Variants in DGLUCY observed in about 807,000 individuals in gnomAD.
DGLUCY encodes D-glutamate cyclase, mitochondrial.
A neutral mutation model predicts 58.5 loss-of-function variants in DGLUCY; 58 were observed. That is an observed-to-expected ratio of 0.99 (90% confidence interval 0.80 to 1.23). The LOEUF (loss-of-function observed/expected upper bound fraction) is 1.23. Ranked by LOEUF, DGLUCY falls within the 50% of genes most tolerant of loss-of-function variation. DGLUCY has a pLI of 0.00. For synonymous variants in DGLUCY, 325 were observed against 314.1 expected (o/e 1.03, Z -0.37); for missense variants, 779 against 784.7 (o/e 0.99, Z 0.09).
At chr14:91,183,211 G>T (rs1233856857) in intron 8 of DGLUCY, among the ~76,000 whole-genome samples, 1 of 151,942 alleles carries the variant, frequency 6.6e-6, no homozygotes. Flanking sequence ...ACCCAGGCTG[G>T]TCTCAAACTC....
At chr14:91,209,277 G>C (rs7151605) in intron 12 of DGLUCY, among the ~76,000 whole-genome samples, 11 of 151,384 alleles carry the variant, frequency 7.3e-5, no homozygotes, top group African/African-American at 2.4e-4. Flanking sequence ...CAACAACAAC[G>C]ACGACAAAAC....
chr14:91,194,956 G>A (rs975062956), intron 9 of DGLUCY, among the ~76,000 whole-genome samples: 2 of 152,230 alleles, frequency 1.3e-5, no homozygotes, highest in African/African-American at 4.8e-5. Flanking sequence ...CAGCATGGCG[G>A]AGTAGCTGAG....
chr14:91,181,616 ACTTT>A (rs902248884), intron 8 of DGLUCY, among the ~76,000 whole-genome samples: 4 of 148,594 alleles, frequency 2.7e-5, no homozygotes, highest in African/African-American at 1.0e-4. Context: ...ATTTTTGCTT[ACTTT>A]CTTTTTCTTT....
At chr14:91,176,083 G>C (rs781285360) in intron 7 of DGLUCY, 27 bp downstream of exon 7, 4 of 1,612,368 alleles carry the variant, frequency 2.5e-6, no homozygotes, top group East Asian at 2.2e-5. Flanking sequence ...TGGGACAATC[G>C]ATCTGCCCTA....
chr14:91,195,281 G>T (rs1305918653), intron 9 of DGLUCY, among the ~76,000 whole-genome samples: 1 of 152,202 alleles, frequency 6.6e-6, no homozygotes, highest in Admixed American at 6.5e-5. Context: ...ATCCCAACCT[G>T]CTGTGAGATA....
At chr14:91,193,199 G>A (rs1261209497) in intron 9 of DGLUCY, among the ~76,000 whole-genome samples, 3 of 152,238 alleles carry the variant, frequency 2.0e-5, no homozygotes, top group Non-Finnish European at 4.4e-5. Context: ...CCGTGTTTCC[G>A]TAGGGCAGAG....
chr14:91,097,733 G>A lies in DGLUCY; in HGVS notation c.-82+37029G>A, dbSNP rs549831695. Among the ~76,000 whole-genome samples the A allele has an allele frequency of 5.9e-5, 9 of 151,450 alleles. No homozygotes were observed. The South Asian group carries it at 8.4e-4, about 14-fold the overall frequency. On this transcript the variant is annotated intron_variant, in intron 1 of 4. Coordinates refer to the DGLUCY transcript ENST00000521334. ...TTGTTGCCCAGGCTGGAGTGCAATG[G>A]CGTGATCTTGGCTCACTGCAACCTC...
intron 1 of DGLUCY, among the ~76,000 whole-genome samples, chr14:91,070,933 C>T (rs903879857): frequency 2.6e-5 from 4 of 152,056 alleles, no homozygotes; most frequent in African/African-American, 9.7e-5. Context: ...TTTTTAAAAA[C>T]CAAGAGCAAC....
At chr14:91,150,585 G>T (rs1330013806) in intron 1 of DGLUCY, among the ~76,000 whole-genome samples, 1 of 151,962 alleles carries the variant, frequency 6.6e-6, no homozygotes, top group Non-Finnish European at 1.5e-5. Flanking sequence ...GGGATTACAG[G>T]TGCACGCCAC....
chr14:91,184,199 A>T (rs1225532477), intron 8 of DGLUCY, among the ~76,000 whole-genome samples: 1 of 152,038 alleles, frequency 6.6e-6, no homozygotes, highest in African/African-American at 2.4e-5. Context: ...AGCCTACAGC[A>T]GCTGGGTAGA....
chr14:91,180,887 A>G (rs1339270268), intron 7 of DGLUCY, among the ~76,000 whole-genome samples: 1 of 152,222 alleles, frequency 6.6e-6, no homozygotes, highest in South Asian at 2.1e-4. Context: ...CCTGATATCC[A>G]TGGGTTAAAT....
chr14:91,141,750 C>T (rs2046696511), intron 1 of DGLUCY, among the ~76,000 whole-genome samples: 1 of 151,872 alleles, frequency 6.6e-6, no homozygotes, highest in Non-Finnish European at 1.5e-5. Context: ...GGGCTTTCAC[C>T]ACGTTGGTCA....
rs558466359 is a variant in DGLUCY, at chr14:91,196,478, C to T, written c.1295+4C>T. On this transcript the variant is annotated splice_donor_region_variant and intron_variant, in intron 10 of 13. Coordinates refer to ENST00000256324, the MANE Select transcript of DGLUCY (RefSeq NM_001102368.3). ...ATGGGGACCCGCAGACACCTAGGTACGTATGTCGCATCCCAGTTTAAGTGG... is the reference window on the plus strand; with the variant it reads ...ATGGGGACCCGCAGACACCTAGGTATGTATGTCGCATCCCAGTTTAAGTGG... 50 of 1,611,860 alleles carry T rather than the reference C, an allele frequency of 3.1e-5. No individual in the cohort carries two copies. Among genetic ancestry groups the T allele is most frequent in the South Asian group, 1.2e-4 (11 of 90,944 alleles).
At position 91,167,209 on chromosome 14, in the gene DGLUCY, C is replaced by A; in HGVS notation, c.104-16C>A. The A allele has an allele frequency of 6.4e-7, 1 of 1,565,644 alleles. No homozygotes were observed. Among genetic ancestry groups the A allele is most frequent in the Non-Finnish European group, 8.6e-7 (1 of 1,162,668 alleles). ...ACCGCTGACTATACATTTTTCCCTT[C>A]TCCCACCATACCCAGAGCTCCGACC... On this transcript the variant is annotated splice_polypyrimidine_tract_variant and intron_variant, in intron 3 of 13. Transcript: ENST00000256324.
intron 11 of DGLUCY, among the ~76,000 whole-genome samples, chr14:91,203,677 GT>G (rs142610008): frequency 0.01 from 1,499 of 145,384 alleles, 21 homozygotes; most frequent in Admixed American, 0.024. Flanking sequence ...TTTTTTGTGT[GT>G]TTTTTTTTTT....
intron 1 of DGLUCY, among the ~76,000 whole-genome samples, chr14:91,138,511 A>G (rs2046466847): frequency 1.3e-5 from 2 of 152,166 alleles, no homozygotes; most frequent in South Asian, 4.1e-4. Context: ...AAAAGAAAAA[A>G]AGAAATATTC....
intron 1 of DGLUCY, among the ~76,000 whole-genome samples, chr14:91,156,153 G>C (rs1156624670): frequency 1.4e-5 from 2 of 146,232 alleles, no homozygotes; most frequent in East Asian, 4.0e-4. Flanking sequence ...TCGCTCTGTT[G>C]CCCAGACTGG....
intron 9 of DGLUCY, 92 bp from the exon 10 acceptor site, chr14:91,196,283 A>G: frequency 1.1e-6 from 1 of 917,264 alleles, no homozygotes; most frequent in East Asian, 2.5e-5. Context: ...AACAGTAATG[A>G]TACCCTTCAA....
chr14:91,074,116 T>TACACACACACACACACAC lies in DGLUCY; in HGVS notation c.-82+13413_-82+13414insCACACACACACACACACA, dbSNP rs1280375718. Among the ~76,000 whole-genome samples the TACACACACACACACACAC allele has an allele frequency of 2.6e-3, 205 of 77,462 alleles. 1 individual carries two copies. Among genetic ancestry groups the TACACACACACACACACAC allele is most frequent in the South Asian group, 4.0e-3 (7 of 1,754 alleles). The allele number at this position is 77,462 out of a possible 152,430, so 50.8% of individuals were successfully genotyped here. ...ACCAAAAAAAAAAAATATATATATA[T>TACACACACACACACACAC]ATACACACACACACACACACACACA... is the stretch of plus-strand genomic sequence containing the variant. On this transcript the variant is annotated intron_variant, in intron 1 of 4. Transcript: ENST00000521334.
Sources: allele counts gnomAD v4.1 joint callset (sites outside exome capture counted in the v4.1 genomes callset), GRCh38; gene constraint gnomAD v4.1.1; transcripts MANE v1.5; gene names NCBI Gene and HGNC (gene_info 2026-07-23, HGNC 2026-07-21).